ASTN1: variants seen among roughly 807,000 people sequenced by gnomAD.
ASTN1 encodes the protein astrotactin-1.
A neutral mutation model predicts 140.7 loss-of-function variants in ASTN1; 41 were observed. The observed-to-expected ratio is 0.29, with a 90% CI of 0.23 to 0.38. ASTN1 has a LOEUF of 0.38. Ranked by LOEUF, ASTN1 falls within the 10% of genes least tolerant of loss-of-function variation. The pLI, the probability that ASTN1 is intolerant of heterozygous loss-of-function variation, is 1.00. For synonymous variants in ASTN1, 640 were observed against 652.2 expected (o/e 0.98, Z 0.29); for missense variants, 1,479 against 1,678.8 (o/e 0.88, Z 2.08).
At chr1:177,152,334 T>C (rs1683074729) in intron 1 of ASTN1, among the ~76,000 whole-genome samples, 1 of 152,104 alleles carries the variant, frequency 6.6e-6, no homozygotes, top group Non-Finnish European at 1.5e-5. Flanking sequence ...GGTACTGCTG[T>C]GGTTTACGTG....
intron 17 of ASTN1, among the ~76,000 whole-genome samples, chr1:176,892,853 C>A (rs952010799): frequency 6.6e-6 from 1 of 152,164 alleles, no homozygotes; most frequent in African/African-American, 2.4e-5. Flanking sequence ...AACAGAACAG[C>A]GGATGGCAAA....
intron 8 of ASTN1, among the ~76,000 whole-genome samples, chr1:176,975,645 T>A (rs1673333152): frequency 6.6e-6 from 1 of 152,188 alleles, no homozygotes; most frequent in South Asian, 2.1e-4. Context: ...TGTATTAGAG[T>A]CACTTACTTA....
At chr1:177,104,179 C>T (rs1680436860) in intron 1 of ASTN1, among the ~76,000 whole-genome samples, 1 of 152,120 alleles carries the variant, frequency 6.6e-6, no homozygotes, top group Non-Finnish European at 1.5e-5. Context: ...CCAGCACAGA[C>T]TTCAGTCACA....
At chr1:176,924,086 C>T (rs1670853442) in intron 16 of ASTN1, among the ~76,000 whole-genome samples, 1 of 152,156 alleles carries the variant, frequency 6.6e-6, no homozygotes, top group Admixed American at 6.5e-5. Context: ...GCACATTGAG[C>T]TACATGTTGG....
At position 176,987,376 on chromosome 1, in the gene ASTN1, T is replaced by G. The variant is rs192899188; in HGVS notation, c.1524-22139A>C. 2.8e-3 allele frequency among the ~76,000 whole-genome samples: 419 copies of G among 152,322 alleles called. 3 individuals carry two copies. Among genetic ancestry groups the G allele is most frequent in the African/African-American group, 9.1e-3 (377 of 41,578 alleles). ...TTACAAAAACAGGTGACAGGTCATATTTGACCTGAGGGCAGTAGTTAGCAG... is the reference window on the plus strand; with the variant it reads ...TTACAAAAACAGGTGACAGGTCATAGTTGACCTGAGGGCAGTAGTTAGCAG... On this transcript the variant is annotated intron_variant, in intron 8 of 22. Coordinates refer to ENST00000361833, the MANE Select transcript of ASTN1 (RefSeq NM_004319.3).
At chr1:177,000,386 G>A (rs181137556) in intron 8 of ASTN1, among the ~76,000 whole-genome samples, 231 of 152,114 alleles carry the variant, frequency 1.5e-3, no homozygotes, top group Non-Finnish European at 2.5e-3. Flanking sequence ...GACAAACTAG[G>A]GACATGCAAA....
intron 8 of ASTN1, among the ~76,000 whole-genome samples, chr1:176,991,436 C>CAAAAAAAAAAAAAAAAAAAAAACAA (rs1674166802): frequency 5.8e-4 from 8 of 13,820 alleles, no homozygotes; most frequent in African/African-American, 8.5e-4. Flanking sequence ...AAAAAAAAAC[C>CAAAAAAAAAAAAAAAAAAAAAACAA]AAAAAAAAAA....
intron 8 of ASTN1, among the ~76,000 whole-genome samples, chr1:177,005,699 G>GTGTGTA (rs1020877388): frequency 6.6e-6 from 1 of 152,064 alleles, no homozygotes; most frequent in Non-Finnish European, 1.5e-5. Flanking sequence ...GTGTTCCATG[G>GTGTGTA]TGTGTATGTG....
At chr1:176,944,917 A>G (rs1671888492) in intron 13 of ASTN1, among the ~76,000 whole-genome samples, 2 of 152,332 alleles carry the variant, frequency 1.3e-5, no homozygotes, top group Middle Eastern at 6.8e-3. Flanking sequence ...TCCTGTCTAC[A>G]ACAGAAAAAG....
chr1:177,117,506 A>C (rs1681152574), intron 1 of ASTN1, among the ~76,000 whole-genome samples: 1 of 152,148 alleles, frequency 6.6e-6, no homozygotes, highest in Admixed American at 6.6e-5. Context: ...AAGCAGACAA[A>C]AAGCCTGACC....
chr1:176,899,000 C>T (rs570107395), intron 16 of ASTN1, among the ~76,000 whole-genome samples: 1 of 152,308 alleles, frequency 6.6e-6, no homozygotes, highest in East Asian at 1.9e-4. Flanking sequence ...CTCCCTCCCA[C>T]CTCTGTTTGC....
intron 17 of ASTN1, among the ~76,000 whole-genome samples, chr1:176,893,823 C>T (rs1382981860): frequency 6.6e-6 from 1 of 152,190 alleles, no homozygotes; most frequent in East Asian, 1.9e-4. Flanking sequence ...TGGACTCACT[C>T]TAATCTCTAT....
chr1:177,001,153 C>G (rs1316263171), intron 8 of ASTN1, among the ~76,000 whole-genome samples: 4 of 152,192 alleles, frequency 2.6e-5, no homozygotes. Context: ...GGAAGACAAA[C>G]ACATTTCTTA....
intron 5 of ASTN1, among the ~76,000 whole-genome samples, chr1:177,027,134 A>C (rs1676158146): frequency 6.6e-6 from 1 of 152,180 alleles, no homozygotes; most frequent in Non-Finnish European, 1.5e-5. Context: ...CCTCCACAGA[A>C]GGCCATTTTG....
At position 177,039,064 on chromosome 1, in the gene ASTN1, G is replaced by A. The variant is rs11590892; in HGVS notation, c.472-6215C>T. 5.3e-3 allele frequency among the ~76,000 whole-genome samples: 813 copies of A among 152,268 alleles called. 11 individuals carry two copies. The highest frequency in any genetic ancestry group is 8.2e-3 in the Non-Finnish European group (557 of 68,014). ...TCACCAAGTTTAGAGAGTCACCTGG[G>A]CTTTCTGAACCCTTGGCAGAGAAAT... On this transcript the variant is annotated intron_variant, in intron 2 of 22. Transcript: ENST00000361833.
chr1:177,109,606 G>A (rs1288695344), intron 1 of ASTN1, among the ~76,000 whole-genome samples: 1 of 152,186 alleles, frequency 6.6e-6, no homozygotes, highest in Non-Finnish European at 1.5e-5. Context: ...CAAGACTTAG[G>A]TTAGATTTCA....
intron 16 of ASTN1, among the ~76,000 whole-genome samples, chr1:176,905,021 C>T (rs1669925412): frequency 6.6e-6 from 1 of 152,202 alleles, no homozygotes; most frequent in Non-Finnish European, 1.5e-5. Flanking sequence ...CTCCATTTAC[C>T]TCTCAGAGCA....
chr1:177,029,482 G>C (rs1237843797), intron 5 of ASTN1, 152 bp downstream of exon 5: 1 of 811,330 alleles, frequency 1.2e-6, no homozygotes, highest in Non-Finnish European at 2.2e-6. Context: ...TTCTTCCTTA[G>C]GAGGAAACAC....
chr1:176,986,325 A>T (rs1673902628), intron 8 of ASTN1, among the ~76,000 whole-genome samples: 1 of 152,230 alleles, frequency 6.6e-6, no homozygotes, highest in Non-Finnish European at 1.5e-5. Context: ...GATTATTAAC[A>T]TCAAGAGAAA....
Sources: gnomAD v4.1 joint callset for allele counts (sites outside exome capture counted in the v4.1 genomes callset) on GRCh38, gnomAD v4.1.1 for gene constraint, MANE v1.5 for transcripts, NCBI Gene and HGNC (gene_info 2026-07-23, HGNC 2026-07-21) for gene names.